The following PITPNM3 variants were observed in gnomAD, a reference collection of about 807,000 sequenced individuals.
The protein encoded by PITPNM3 is membrane-associated phosphatidylinositol transfer protein 3.
PITPNM3 carries 26 observed loss-of-function variants against 102.0 expected under a neutral mutation model. The observed-to-expected ratio is 0.25, with a 90% confidence interval of 0.19 to 0.35. The LOEUF is 0.35. PITPNM3 is among the 10% of genes least tolerant of loss of function. PITPNM3 has a pLI of 1.00. For missense variants in PITPNM3, 1,083 were observed against 1,346.1 expected (o/e 0.80, Z 3.06); for synonymous variants, 578 against 558.6 (o/e 1.03, Z -0.49).
chr17:6,474,728 G>A, intron 9 of PITPNM3, 124 bp from the exon 10 acceptor site: 1 of 1,209,584 alleles, frequency 8.3e-7, no homozygotes, highest in South Asian at 1.5e-5. Flanking sequence ...CTCTGGGGCG[G>A]GGCTGAGAGT....
intron 2 of PITPNM3, among the ~76,000 whole-genome samples, chr17:6,526,645 T>G (rs1908851999): frequency 6.6e-6 from 1 of 152,238 alleles, no homozygotes; most frequent in Non-Finnish European, 1.5e-5. Flanking sequence ...TATGTATCTA[T>G]TTGATTGACT....
chr17:6,457,646 G>A lies in PITPNM3; in HGVS notation c.2567C>T (p.Ser856Phe). Residue 856 changes from serine (S) to phenylalanine (F), a missense_variant, in exon 19 of 20, where the codon TCC (serine) becomes TTC (phenylalanine). By Grantham distance (155) the Ser-to-Phe change is radical (BLOSUM62 -2). Coordinates refer to ENST00000262483, the MANE Select transcript of PITPNM3 (RefSeq NM_031220.4). The surrounding 1 kb of genome is among the most constrained non-coding windows in gnomAD (Gnocchi z 4.7). ...GGGCCGGCCCACAATGAAGATCTGG[G>A]AGGCAGGCAGGCCCAGCACGCTGTA... ...SVYSVLGLPA[S>F]QIFIVGRPTK... 6.2e-7 allele frequency: 1 copy of A among 1,612,294 alleles called. No homozygotes were observed. The highest frequency in any genetic ancestry group is 1.1e-5 in the South Asian group (1 of 90,600).
intron 2 of PITPNM3, among the ~76,000 whole-genome samples, chr17:6,533,850 G>A (rs904485526): frequency 9.2e-5 from 14 of 152,108 alleles, no homozygotes; most frequent in African/African-American, 3.1e-4. Flanking sequence ...GGCAGGACTC[G>A]CTTGCTCCTG....
At chr17:6,503,795 C>T (rs1263889939) in intron 3 of PITPNM3, among the ~76,000 whole-genome samples, 1 of 152,166 alleles carries the variant, frequency 6.6e-6, no homozygotes, top group East Asian at 1.9e-4. Flanking sequence ...TACGGCCTGG[C>T]TCCTCTGCCT....
Position 6,477,103 on chromosome 17 carries a change from C to T in PITPNM3, c.1011G>A (p.Pro337=), listed in dbSNP as rs772798913. 4.1e-5 allele frequency: 66 copies of T among 1,614,010 alleles called. 1 individual carries two copies. Among genetic ancestry groups the T allele is most frequent in the South Asian group, 3.5e-4 (32 of 91,078 alleles). ...SGLEDEEPKR[P]LPRKQSDSST... ...AGGAGTCGCTCTGTTTCCGCGGCAA[C>T]GGCCTCTTGGGCTCCTCATCCTCCA... The change falls in exon 9 of 20, where the codon CCG becomes CCA. Residue 337 remains proline, a synonymous_variant. Coordinates refer to ENST00000262483, the MANE Select transcript of PITPNM3 (RefSeq NM_031220.4).
In PITPNM3 at chr17:6,537,871, G is replaced by A. The variant is rs773108356; in HGVS notation, c.118+116C>T. ...CACAGGATGGGTAAGTATGGAGTGT[G>A]GAGCTGCAGATACCACGTCTGAGTG... On this transcript the variant is annotated intron_variant, in intron 2 of 19. Transcript: ENST00000262483. The surrounding 1 kb of genome is among the most constrained non-coding windows in gnomAD (Gnocchi z 4.4). The A allele has an allele frequency of 2.4e-5, 20 of 846,468 alleles. No homozygotes were observed. Among genetic ancestry groups the A allele is most frequent in the Non-Finnish European group, 3.8e-5 (19 of 503,928 alleles). 52.4% of individuals were successfully genotyped at this position (846,468 alleles called of 1,614,324 possible).
At chr17:6,503,150 G>C (rs1241194585) in intron 4 of PITPNM3, among the ~76,000 whole-genome samples, 1 of 152,106 alleles carries the variant, frequency 6.6e-6, no homozygotes. Flanking sequence ...TGGGCACAGG[G>C]GCCATGTTCC....
chr17:6,523,969 G>A (rs1193949478), intron 3 of PITPNM3, among the ~76,000 whole-genome samples: 1 of 152,248 alleles, frequency 6.6e-6, no homozygotes, highest in East Asian at 1.9e-4. Context: ...ATCTGAGCCT[G>A]ATGTTGCCAC....
At position 6,482,024 on chromosome 17, in the gene PITPNM3, C is replaced by CTCTG. The variant is rs1905746578; in HGVS notation, c.587+1492_587+1493insCAGA. 3.0e-5 allele frequency among the ~76,000 whole-genome samples: 3 copies of CTCTG among 100,930 alleles called. 1 individual carries two copies. Among genetic ancestry groups the CTCTG allele is most frequent in the Non-Finnish European group, 5.7e-5 (3 of 52,502 alleles). 66.2% of individuals were successfully genotyped at this position (100,930 alleles called of 152,430 possible). On this transcript the variant is annotated intron_variant, in intron 6 of 19. Transcript: ENST00000262483. ...TCTCTCTCTCTCTCTCTCTCTCTCT[C>CTCTG]TCTCTCTCTCTGTCTGTCTCTCTCT...
intron 17 of PITPNM3, among the ~76,000 whole-genome samples, chr17:6,463,364 C>T (rs1228558280): frequency 7.4e-6 from 1 of 134,668 alleles, no homozygotes; most frequent in East Asian, 2.1e-4. Flanking sequence ...GTGCCCAGCA[C>T]ACAGCCCAGC....
At chr17:6,535,829 G>T (rs1286578140) in intron 2 of PITPNM3, among the ~76,000 whole-genome samples, 1 of 151,106 alleles carries the variant, frequency 6.6e-6, no homozygotes, top group Non-Finnish European at 1.5e-5. Context: ...AGGCCAAGAC[G>T]GGCAGATCAC....
rs1475373182 is a variant in PITPNM3 at position 6,477,022 on chromosome 17, G to A, written c.1085+7C>T. On this transcript the variant is annotated splice_region_variant and intron_variant, in intron 9 of 19. Coordinates refer to ENST00000262483, the MANE Select transcript of PITPNM3 (RefSeq NM_031220.4). The stretch of plus-strand genomic sequence containing the variant: ...GGTCTTCTTGCTTCTGGACAGGGAG[G>A]GGCTACCTTGAGAGGAAGGCATGGT... The A allele has an allele frequency of 1.1e-5, 17 of 1,613,960 alleles. No individual in the cohort carries two copies. Among genetic ancestry groups the A allele is most frequent in the Non-Finnish European group, 1.4e-5 (17 of 1,179,990 alleles).
intron 4 of PITPNM3, among the ~76,000 whole-genome samples, chr17:6,491,836 T>TATATATAAATAA (rs148932496): frequency 7.2e-6 from 1 of 139,286 alleles, no homozygotes; most frequent in Non-Finnish European, 1.5e-5. Context: ...TATATATATA[T>TATATATAAATAA]AATAAAGAAT....
At chr17:6,464,918 T>C in intron 14 of PITPNM3, 147 bp from the exon 15 acceptor site, 2 of 816,290 alleles carry the variant, frequency 2.5e-6, no homozygotes, top group Non-Finnish European at 4.2e-6. Context: ...TTCAGAGATG[T>C]GTTCCCAGGG....
Position 6,459,421 on chromosome 17 carries a change from G to A in PITPNM3, c.2491-1699C>T, listed in dbSNP as rs1904347153. On this transcript the variant is annotated intron_variant, in intron 18 of 19. Coordinates refer to ENST00000262483, the MANE Select transcript of PITPNM3 (RefSeq NM_031220.4). The surrounding 1 kb of genome is among the most constrained non-coding windows in gnomAD (Gnocchi z 5.0). ...TCAGCTGCTCCTTGTGCTGCTCTCA[G>A]TGGCCCAGCACAGCCTCTTCTAACG... Among the ~76,000 whole-genome samples, 1 of 151,760 alleles carries A rather than the reference G, an allele frequency of 6.6e-6. No homozygotes were observed. Among genetic ancestry groups the A allele is most frequent in the Non-Finnish European group, 1.5e-5 (1 of 67,956 alleles).
chr17:6,462,321 C>T (rs765293825), intron 17 of PITPNM3, among the ~76,000 whole-genome samples: 6 of 152,160 alleles, frequency 3.9e-5, no homozygotes, highest in Admixed American at 1.3e-4. Flanking sequence ...AGCTCCCCAG[C>T]GCCCTGAGGT....
Position 6,503,537 on chromosome 17 carries a change from C to T in PITPNM3, c.264G>A (p.Gln88=), listed in dbSNP as rs1475490998. ...GTAPCTSSIL[Q]EKQRELYRVS... ...TCAGGCTTGACTCACGCTGCTTCTC[C>T]TGGAGGATGCTGGATGTGCACGGCG... The change falls in exon 4 of 20, where the codon CAG becomes CAA. Residue 88 remains glutamine (Q), a synonymous_variant. Coordinates refer to ENST00000262483, the MANE Select transcript of PITPNM3 (RefSeq NM_031220.4). 2 of 1,612,564 alleles carry T rather than the reference C, an allele frequency of 1.2e-6. No homozygotes were observed. The highest frequency in any genetic ancestry group is 2.7e-5 in the African/African-American group (2 of 74,930).
chr17:6,472,734 T>C lies in PITPNM3; in HGVS notation c.1352A>G (p.Lys451Arg). 1.2e-6 allele frequency: 2 copies of C among 1,614,040 alleles called. No homozygotes were observed. Among genetic ancestry groups the C allele is most frequent in the Non-Finnish European group, 1.7e-6 (2 of 1,179,982 alleles). Reference sequence around the variant, plus strand: ...GCTGACAGGCGGCACCAGGTGGAACTTGGGCTCCAGCAGTGGCTCGAGCCG... The same window carrying C: ...GCTGACAGGCGGCACCAGGTGGAACCTGGGCTCCAGCAGTGGCTCGAGCCG... ...ASRLEPLLEP[K>R]FHLVPPVSVP... Residue 451 changes from lysine (K) to arginine (R), a missense_variant, in exon 11 of 20, where the codon AAG becomes AGG. This residue lies in a region of PITPNM3 where 410 missense variants were observed against 638.4 expected (regional missense o/e 0.64). Transcript: ENST00000262483. This position sits in a 1 kb window ranked among gnomAD's most constrained non-coding sequence, Gnocchi z 4.1.
chr17:6,535,049 G>A (rs1909339553), intron 2 of PITPNM3, among the ~76,000 whole-genome samples: 1 of 152,142 alleles, frequency 6.6e-6, no homozygotes, highest in Non-Finnish European at 1.5e-5. Flanking sequence ...GGCTCATGGG[G>A]GAAACCCAGG....
Sources: gnomAD v4.1 joint callset for allele counts (sites outside exome capture counted in the v4.1 genomes callset) on GRCh38, gnomAD v4.1.1 for gene constraint, gnomAD v4.1.1 regional missense constraint, Gnocchi (gnomAD v3.1) non-coding constraint, MANE v1.5 for transcripts, NCBI Gene and HGNC (gene_info 2026-07-23, HGNC 2026-07-21) for gene names.